The following DCHS2 variants were observed in gnomAD, a reference collection of about 807,000 sequenced individuals.
DCHS2 encodes protocadherin-23.
A neutral mutation model predicts 182.4 loss-of-function variants in DCHS2; 142 were observed. The ratio of observed to expected loss-of-function variants is 0.78; its 90% CI spans 0.68 to 0.89. The LOEUF is 0.89. Ranked by LOEUF, DCHS2 falls within the 40% of genes least tolerant of loss-of-function variation. DCHS2 has a pLI of 0.00. For synonymous variants in DCHS2, 1,740 were observed against 1,663.3 expected (o/e 1.05, Z -1.12); for missense variants, 4,319 against 4,198.6 (o/e 1.03, Z -0.79).
intron 1 of DCHS2, among the ~76,000 whole-genome samples, chr4:154,468,941 C>T (rs1305230505): frequency 4.6e-5 from 7 of 152,174 alleles, no homozygotes; most frequent in South Asian, 2.1e-4. Context: ...AGGAAGGAAA[C>T]GGTAACTATG....
chr4:154,471,284 C>G (rs1000699940), intron 1 of DCHS2, among the ~76,000 whole-genome samples: 2 of 152,130 alleles, frequency 1.3e-5, no homozygotes, highest in African/African-American at 4.8e-5. Context: ...AAGATTACTC[C>G]CTATTATTTG....
chr4:154,358,160 C>T (rs1246586063), intron 3 of DCHS2, among the ~76,000 whole-genome samples: 1 of 152,096 alleles, frequency 6.6e-6, no homozygotes, highest in Non-Finnish European at 1.5e-5. Context: ...GTTTCTCAGT[C>T]CAAACTTATA....
intron 10 of DCHS2, among the ~76,000 whole-genome samples, chr4:154,306,686 C>A (rs1735452042): frequency 6.6e-6 from 1 of 152,010 alleles, no homozygotes; most frequent in African/African-American, 2.4e-5. Context: ...TTTTGTTACA[C>A]ATTATATATA....
chr4:154,236,418 G>A lies in DCHS2; in HGVS notation c.8234C>T (p.Ala2745Val). The A allele has an allele frequency of 6.2e-7, 1 of 1,614,032 alleles. No homozygotes were observed. The highest frequency in any genetic ancestry group is 1.1e-5 in the South Asian group (1 of 91,070). The change falls in exon 20 of 20, where the codon GCA (alanine) becomes GTA (valine). Residue 2745 changes from alanine to valine, a missense_variant. By Grantham distance (64) the Ala-to-Val change is moderately conservative (BLOSUM62 0). Coordinates refer to ENST00000357232, the MANE Select transcript of DCHS2 (RefSeq NM_001358235.2). ...KFTLTVQASDAEKKHFSFAVV... is the reference protein window; with the variant it reads ...KFTLTVQASDVEKKHFSFAVV... ...TGCAAAAGAAAAATGTTTCTTTTCT[G>A]CATCTGAAGCTTGGACAGTTAAGGT...
intron 1 of DCHS2, among the ~76,000 whole-genome samples, chr4:154,484,084 T>C (rs1728488181): frequency 6.6e-6 from 1 of 152,186 alleles, no homozygotes; most frequent in Non-Finnish European, 1.5e-5. Flanking sequence ...GCTTTTCCTA[T>C]TCTTCCCACT....
At chr4:154,431,312 A>G (rs1733550016) in intron 1 of DCHS2, among the ~76,000 whole-genome samples, 1 of 152,182 alleles carries the variant, frequency 6.6e-6, no homozygotes, top group Non-Finnish European at 1.5e-5. Flanking sequence ...TGACTTAAAG[A>G]AATCATAAAA....
chr4:154,283,987 G>A (rs1734274763), intron 13 of DCHS2, among the ~76,000 whole-genome samples: 1 of 152,158 alleles, frequency 6.6e-6, no homozygotes, highest in Admixed American at 6.6e-5. Context: ...TTTTCTATGT[G>A]AGTAATTCTC....
At chr4:154,349,708 A>G (rs1729520565) in intron 3 of DCHS2, among the ~76,000 whole-genome samples, 1 of 152,230 alleles carries the variant, frequency 6.6e-6, no homozygotes, top group Non-Finnish European at 1.5e-5. Context: ...CCTTTATGGT[A>G]AAACTCATGC....
intron 1 of DCHS2, among the ~76,000 whole-genome samples, chr4:154,457,505 T>C (rs1734816568): frequency 6.6e-6 from 1 of 152,192 alleles, no homozygotes; most frequent in Non-Finnish European, 1.5e-5. Context: ...CATTTAAGAA[T>C]GGCGCACACA....
chr4:154,308,545 TACTGGAAAGGC>T (rs1735541849), intron 10 of DCHS2, among the ~76,000 whole-genome samples: 1 of 152,148 alleles, frequency 6.6e-6, no homozygotes, highest in Non-Finnish European at 1.5e-5. Flanking sequence ...GAATGTCAGG[TACTGGAAAGGC>T]ACCACTGAAT....
chr4:154,441,358 A>C (rs1263333714), intron 1 of DCHS2, among the ~76,000 whole-genome samples: 1 of 152,208 alleles, frequency 6.6e-6, no homozygotes, highest in Admixed American at 6.5e-5. Flanking sequence ...GGGATTACAC[A>C]GTTCATGAAT....
intron 1 of DCHS2, among the ~76,000 whole-genome samples, chr4:154,398,706 A>G (rs1031900727): frequency 3.9e-5 from 6 of 152,212 alleles, no homozygotes; most frequent in Non-Finnish European, 4.4e-5. Flanking sequence ...TGAGCTCTCA[A>G]GTAGGACCTT....
intron 4 of DCHS2, 74 bp from the exon 5 acceptor site, chr4:154,333,568 T>G: frequency 7.2e-7 from 1 of 1,392,050 alleles, no homozygotes; most frequent in Non-Finnish European, 9.7e-7. Context: ...ATTGAAATGT[T>G]AATACAGTCA....
chr4:154,490,504 C>T lies in DCHS2; in HGVS notation c.852G>A (p.Leu284=), dbSNP rs1728779216. The T allele has an allele frequency of 6.5e-7, 1 of 1,537,246 alleles. No individual in the cohort carries two copies. The highest frequency in any genetic ancestry group is 1.4e-5 in the African/African-American group (1 of 73,158). ...GGTTGTCGTTCTCATCCAGCACGCG[C>T]AGCTCCACGCTCAGGAGGCCGGTGC... The part of the protein sequence containing the change: ...PRRTGLLSVE[L]RVLDENDNPP... Residue 284 remains leucine (L), a synonymous_variant, in exon 1 of 20, where the codon CTG becomes CTA. Transcript: ENST00000357232.
chr4:154,339,738 C>T (rs1313839413), intron 3 of DCHS2, among the ~76,000 whole-genome samples: 4 of 152,092 alleles, frequency 2.6e-5, no homozygotes, highest in African/African-American at 4.8e-5. Context: ...TGAGCGACCG[C>T]GCCCAGCCAA....
chr4:154,278,665 G>A (rs1733982517), intron 13 of DCHS2, among the ~76,000 whole-genome samples: 1 of 151,786 alleles, frequency 6.6e-6, no homozygotes, highest in Admixed American at 6.6e-5. Context: ...GAACAAGGGA[G>A]CTCCCATAAG....
intron 1 of DCHS2, among the ~76,000 whole-genome samples, chr4:154,444,599 G>T (rs1463286746): frequency 3.3e-5 from 5 of 152,054 alleles, no homozygotes; most frequent in Non-Finnish European, 7.4e-5. Context: ...CCTCTTCACG[G>T]CTCTCCCTGC....
intron 1 of DCHS2, among the ~76,000 whole-genome samples, chr4:154,488,214 CA>C (rs36027457): frequency 1.5e-4 from 22 of 146,874 alleles, no homozygotes; most frequent in African/African-American, 2.3e-4. Context: ...AAATCGGAAG[CA>C]AAAAAAAAAG....
intron 1 of DCHS2, among the ~76,000 whole-genome samples, chr4:154,471,978 C>T (rs1735489392): frequency 6.6e-6 from 1 of 152,162 alleles, no homozygotes; most frequent in Non-Finnish European, 1.5e-5. Flanking sequence ...GATTCTACTA[C>T]ACTACTACAA....
Sources: gnomAD v4.1 joint callset for allele counts (sites outside exome capture counted in the v4.1 genomes callset) on GRCh38, gnomAD v4.1.1 for gene constraint, MANE v1.5 for transcripts, NCBI Gene and HGNC (gene_info 2026-07-23, HGNC 2026-07-21) for gene names.